Variants in ZNF420 observed in about 807,000 individuals in gnomAD.
ZNF420 encodes the protein ATM and p53-associated KZNF protein.
In ZNF420, 31 loss-of-function variants were observed where a neutral mutation model predicts 44.7. The ratio of observed to expected loss-of-function variants is 0.69; its 90% confidence interval spans 0.52 to 0.94. The LOEUF is 0.94. ZNF420 is among the 40% of genes least tolerant of loss of function. The pLI is 0.00. For synonymous variants in ZNF420, 245 were observed against 267.4 expected (o/e 0.92, Z 0.82); for missense variants, 681 against 827.9 (o/e 0.82, Z 2.18).
chr19:37,026,486 G>C lies in ZNF420; in HGVS notation c.-125+18404G>C, dbSNP rs550080805. Among the ~76,000 whole-genome samples the C allele has an allele frequency of 9.9e-5, 15 of 152,146 alleles. No individual in the cohort carries two copies. In the East Asian group the frequency reaches 2.9e-3, roughly 29 times the overall value. On this transcript the variant is annotated intron_variant, in intron 1 of 4. Coordinates refer to the ZNF420 transcript ENST00000587029. ...AGGCATGTGCCACCACACCCTGCTA[G>C]TTTTGTATTTTCAGTAGAGATGGGG... is the stretch of plus-strand genomic sequence containing the variant.
At chr19:37,021,669 T>G (rs530760853) in intron 1 of ZNF420, among the ~76,000 whole-genome samples, 2 of 152,132 alleles carry the variant, frequency 1.3e-5, no homozygotes, top group African/African-American at 4.8e-5. Flanking sequence ...CCAGGAGCAG[T>G]GGCTCACACC....
At chr19:37,068,030 CACAT>C (rs1303836758) in intron 1 of ZNF420, among the ~76,000 whole-genome samples, 1 of 151,888 alleles carries the variant, frequency 6.6e-6, no homozygotes, top group Non-Finnish European at 1.5e-5. Context: ...CTTACACACA[CACAT>C]ACATATAGAT....
At chr19:37,087,270 G>A (rs1968841294) in intron 2 of ZNF420, among the ~76,000 whole-genome samples, 3 of 125,712 alleles carry the variant, frequency 2.4e-5, no homozygotes, top group South Asian at 2.7e-4. Context: ...GGTTGAGAGT[G>A]AGACCCTGTC....
chr19:37,054,340 T>C (rs1006470739), intron 1 of ZNF420, among the ~76,000 whole-genome samples: 1 of 152,232 alleles, frequency 6.6e-6, no homozygotes, highest in Non-Finnish European at 1.5e-5. Flanking sequence ...CTTCAGCTCA[T>C]GCTGGGTGTG....
intron 4 of ZNF420, among the ~76,000 whole-genome samples, chr19:37,098,054 T>G (rs1969559390): frequency 6.6e-6 from 1 of 152,078 alleles, no homozygotes; most frequent in Non-Finnish European, 1.5e-5. Flanking sequence ...CACTGCAGCC[T>G]CCACCTCCCT....
At chr19:37,119,746 AAG>A (rs1259283269) in intron 4 of ZNF420, among the ~76,000 whole-genome samples, 3 of 152,312 alleles carry the variant, frequency 2.0e-5, no homozygotes, top group African/African-American at 4.8e-5. Flanking sequence ...TAAAGAAGAA[AAG>A]AGAGAAGAAT....
intron 1 of ZNF420, among the ~76,000 whole-genome samples, chr19:37,035,750 C>G (rs1967343286): frequency 6.6e-6 from 1 of 152,038 alleles, no homozygotes; most frequent in African/African-American, 2.4e-5. Flanking sequence ...GTGGAGAAAA[C>G]ATATGTAAGG....
chr19:37,032,209 A>G, intron 1 of ZNF420, among the ~76,000 whole-genome samples: 1 of 152,076 alleles, frequency 6.6e-6, no homozygotes. Flanking sequence ...GCGTGGTGGC[A>G]TGTGCCTGTA....
At chr19:37,010,690 T>C (rs1026284424) in intron 1 of ZNF420, among the ~76,000 whole-genome samples, 1 of 152,094 alleles carries the variant, frequency 6.6e-6, no homozygotes, top group Non-Finnish European at 1.5e-5. Context: ...TGGGACATGT[T>C]GCCGGTTGTC....
chr19:37,052,871 T>C (rs1967665806), intron 1 of ZNF420, among the ~76,000 whole-genome samples: 1 of 152,222 alleles, frequency 6.6e-6, no homozygotes, highest in African/African-American at 2.4e-5. Context: ...AGTATCTTTG[T>C]GGTGTTCCCT....
chr19:37,119,972 A>G (rs1400797648), intron 4 of ZNF420, among the ~76,000 whole-genome samples: 1 of 152,228 alleles, frequency 6.6e-6, no homozygotes, highest in African/African-American at 2.4e-5. Context: ...AAATTGTGGC[A>G]ATAATCAATA....
At chr19:37,122,680 T>C (rs893448086) in intron 4 of ZNF420, among the ~76,000 whole-genome samples, 3 of 152,176 alleles carry the variant, frequency 2.0e-5, no homozygotes, top group Non-Finnish European at 4.4e-5. Flanking sequence ...TTTTTCTCCT[T>C]CCTCAATGGC....
chr19:37,127,336 C>A lies in ZNF420; in HGVS notation c.345C>A (p.Asp115Glu). ...TCAGGCAAGGGATGATCATATATGA[C>A]AAAATGTCCATTTTCAACCAGCATA... ...EYFRQGMIIY[D>E]KMSIFNQHTY... Residue 115 changes from aspartate (D) to glutamate (E), a missense_variant, in exon 5 of 5, where the codon GAC becomes GAA. Around this residue, in one of 3 missense-constraint regions of ZNF420, gnomAD observed 350 missense variants for 382.5 expected, o/e 0.92. Transcript: ENST00000337995. The A allele has an allele frequency of 1.9e-6, 3 of 1,611,314 alleles. No individual in the cohort carries two copies. The highest frequency in any genetic ancestry group is 1.7e-6 in the Non-Finnish European group (2 of 1,178,034).
At chr19:37,061,149 C>T (rs899277853) in intron 1 of ZNF420, among the ~76,000 whole-genome samples, 1 of 152,148 alleles carries the variant, frequency 6.6e-6, no homozygotes, top group Non-Finnish European at 1.5e-5. Flanking sequence ...GCCCCGTATG[C>T]CCTCTGTGAC....
chr19:37,118,492 C>A (rs1005968662), intron 4 of ZNF420, among the ~76,000 whole-genome samples: 4 of 152,154 alleles, frequency 2.6e-5, no homozygotes, highest in Non-Finnish European at 5.9e-5. Flanking sequence ...AAAGGAACAA[C>A]CTGTACCAGC....
chr19:37,116,031 G>A (rs559074694), intron 4 of ZNF420, among the ~76,000 whole-genome samples: 1 of 152,202 alleles, frequency 6.6e-6, no homozygotes, highest in South Asian at 2.1e-4. Flanking sequence ...CACAAGGTTG[G>A]GGGTAGGGTT....
intron 4 of ZNF420, among the ~76,000 whole-genome samples, chr19:37,106,062 C>T (rs1970064683): frequency 6.6e-6 from 1 of 152,184 alleles, no homozygotes; most frequent in Admixed American, 6.5e-5. Flanking sequence ...GAACTTCCAA[C>T]ACTATGTTGA....
At chr19:37,030,871 G>T (rs546665665) in intron 1 of ZNF420, among the ~76,000 whole-genome samples, 1 of 152,194 alleles carries the variant, frequency 6.6e-6, no homozygotes, top group East Asian at 1.9e-4. Context: ...GTCATATTGA[G>T]GATTTTTCCT....
intron 1 of ZNF420, among the ~76,000 whole-genome samples, chr19:37,028,843 T>C (rs879071940): frequency 6.6e-6 from 1 of 152,204 alleles, no homozygotes; most frequent in Admixed American, 6.5e-5. Flanking sequence ...GGCAAGGCTA[T>C]GTGGCCAGGT....
Sources: allele counts gnomAD v4.1 joint callset (sites outside exome capture counted in the v4.1 genomes callset), GRCh38; gene constraint gnomAD v4.1.1; regional missense constraint gnomAD v4.1.1; transcripts MANE v1.5; gene names NCBI Gene and HGNC (gene_info 2026-07-23, HGNC 2026-07-21).